The following NUDCD1 variants were observed in gnomAD, a reference collection of about 807,000 sequenced individuals.
NUDCD1 encodes the protein nudC domain-containing protein 1.
A neutral mutation model predicts 67.8 loss-of-function variants in NUDCD1; 60 were observed. The observed-to-expected ratio is 0.88, with a 90% CI of 0.72 to 1.10. NUDCD1 has a LOEUF of 1.10. Among genes scored for constraint, NUDCD1 ranks in the 50% least tolerant of loss-of-function variants. The pLI is 0.00. For missense variants in NUDCD1, 643 were observed against 695.0 expected (o/e 0.93, Z 0.84); for synonymous variants, 244 against 230.8 (o/e 1.06, Z -0.52).
chr8:109,247,330 T>C (rs1813521846), intron 8 of NUDCD1, among the ~76,000 whole-genome samples: 1 of 152,138 alleles, frequency 6.6e-6, no homozygotes. Context: ...ATGAGCCAAG[T>C]GCCTAAAGAA....
At chr8:109,297,398 C>G (rs1814869999) in intron 2 of NUDCD1, among the ~76,000 whole-genome samples, 1 of 152,194 alleles carries the variant, frequency 6.6e-6, no homozygotes, top group South Asian at 2.1e-4. Context: ...TCCCCAAAAG[C>G]TGAGTTAAAA....
At position 109,242,133 on chromosome 8, in the gene NUDCD1, G is replaced by C; in HGVS notation, c.*876C>G. On this transcript the variant is annotated 3_prime_UTR_variant, in exon 10 of 10. Transcript: ENST00000239690. ...ATACCATCCGCTGTCAGCTTGTGTA[G>C]TCCCCTCATTCTGACTCTAGACTTG... The C allele has an allele frequency of 2.5e-6, 1 of 398,086 alleles. No homozygotes were observed. The highest frequency in any genetic ancestry group is 3.6e-5 in the East Asian group (1 of 28,054). The allele number at this position is 398,086 out of a possible 1,614,324, so 24.7% of individuals were successfully genotyped here.
chr8:109,331,557 T>TA (rs949849370), intron 1 of NUDCD1, among the ~76,000 whole-genome samples: 1 of 148,716 alleles, frequency 6.7e-6, no homozygotes, highest in Non-Finnish European at 1.5e-5. Flanking sequence ...TGGCACCTGA[T>TA]ATCCTGCAGC....
intron 8 of NUDCD1, among the ~76,000 whole-genome samples, chr8:109,247,453 A>G (rs1287347817): frequency 6.6e-6 from 1 of 152,196 alleles, no homozygotes; most frequent in Non-Finnish European, 1.5e-5. Flanking sequence ...GTGAAAGGTG[A>G]CCACCAAGGG....
At chr8:109,287,977 A>C (rs1814615764) in intron 5 of NUDCD1, among the ~76,000 whole-genome samples, 1 of 152,124 alleles carries the variant, frequency 6.6e-6, no homozygotes, top group African/African-American at 2.4e-5. Flanking sequence ...GTCTTTAAAA[A>C]CATGTTATTA....
chr8:109,286,151 A>C lies in NUDCD1; in HGVS notation c.823+3600T>G, dbSNP rs572115386. On this transcript the variant is annotated intron_variant, in intron 5 of 9. Transcript: ENST00000239690. ...ATTACACAGCACTGCTGAAAGAAAT[A>C]ACAGATGACAGACAACTGGAAAGAC... 3.9e-5 allele frequency among the ~76,000 whole-genome samples: 6 copies of C among 152,248 alleles called. No individual in the cohort carries two copies. The South Asian group carries it at 1.0e-3, about 26-fold the overall frequency.
chr8:109,286,459 C>G (rs1814576803), intron 5 of NUDCD1, among the ~76,000 whole-genome samples: 1 of 151,746 alleles, frequency 6.6e-6, no homozygotes, highest in Non-Finnish European at 1.5e-5. Context: ...ACCAGTGGAC[C>G]AAGAAATAAA....
At chr8:109,308,197 A>G (rs562107718) in intron 2 of NUDCD1, among the ~76,000 whole-genome samples, 2 of 152,222 alleles carry the variant, frequency 1.3e-5, no homozygotes, top group Non-Finnish European at 2.9e-5. Flanking sequence ...ACGTAAATAC[A>G]TGGAAATTAA....
chr8:109,296,630 T>A, intron 2 of NUDCD1, 61 bp from the exon 3 acceptor site: 1 of 1,128,704 alleles, frequency 8.9e-7, no homozygotes, highest in Admixed American at 2.3e-5. Context: ...ACACACAAAA[T>A]AAATATCTGC....
intron 2 of NUDCD1, among the ~76,000 whole-genome samples, chr8:109,319,737 C>T (rs950975422): frequency 6.6e-5 from 10 of 152,260 alleles, no homozygotes; most frequent in East Asian, 5.8e-4. Context: ...GGAGAAAACT[C>T]GGCATATAAA....
At chr8:109,249,756 G>A (rs759295616) in intron 8 of NUDCD1, among the ~76,000 whole-genome samples, 2 of 151,674 alleles carry the variant, frequency 1.3e-5, no homozygotes, top group Non-Finnish European at 2.9e-5. Flanking sequence ...AAACAAACTA[G>A]TCAATTTTTT....
At chr8:109,251,567 T>A (rs377524578) in intron 8 of NUDCD1, among the ~76,000 whole-genome samples, 1 of 152,230 alleles carries the variant, frequency 6.6e-6, no homozygotes. Flanking sequence ...TAGTTGTGCA[T>A]AAGACTTCAT....
chr8:109,327,943 A>C (rs1431147138), intron 1 of NUDCD1, among the ~76,000 whole-genome samples: 2 of 152,210 alleles, frequency 1.3e-5, no homozygotes, highest in East Asian at 3.9e-4. Flanking sequence ...AGCCCTTTTC[A>C]ATTGTTTCTA....
intron 8 of NUDCD1, among the ~76,000 whole-genome samples, chr8:109,261,448 T>TA (rs758381799): frequency 5.5e-4 from 84 of 151,984 alleles, no homozygotes; most frequent in Non-Finnish European, 1.0e-3. Context: ...CTCACAAACT[T>TA]AAAGAAAAAA....
chr8:109,313,983 A>G, intron 2 of NUDCD1: 1 of 365,502 alleles, frequency 2.7e-6, no homozygotes, highest in South Asian at 2.1e-5. Flanking sequence ...AAGCAAACTA[A>G]ATGTTTCTGA....
At chr8:109,299,281 T>G (rs555633294) in intron 2 of NUDCD1, among the ~76,000 whole-genome samples, 49 of 152,168 alleles carry the variant, frequency 3.2e-4, no homozygotes, top group African/African-American at 1.1e-3. Context: ...GTGAATCTGG[T>G]GGGCAGACTC....
intron 8 of NUDCD1, among the ~76,000 whole-genome samples, chr8:109,258,214 A>C (rs1340069185): frequency 1.3e-5 from 2 of 152,104 alleles, no homozygotes; most frequent in Non-Finnish European, 2.9e-5. Flanking sequence ...TATGATGTAA[A>C]AGTCAAAATA....
At chr8:109,308,595 G>A (rs1379127645) in intron 2 of NUDCD1, among the ~76,000 whole-genome samples, 1 of 152,010 alleles carries the variant, frequency 6.6e-6, no homozygotes, top group Non-Finnish European at 1.5e-5. Context: ...GATTAATCAA[G>A]AAATGAAGAG....
intron 9 of NUDCD1, among the ~76,000 whole-genome samples, chr8:109,244,173 T>C (rs959988260): frequency 2.0e-5 from 3 of 152,114 alleles, no homozygotes; most frequent in Admixed American, 1.3e-4. Flanking sequence ...ATACTGTTTT[T>C]AAAAATATTA....
Sources: allele counts gnomAD v4.1 joint callset (sites outside exome capture counted in the v4.1 genomes callset), GRCh38; gene constraint gnomAD v4.1.1; transcripts MANE v1.5; gene names NCBI Gene and HGNC (gene_info 2026-07-23, HGNC 2026-07-21).